TAFA2: variants seen among roughly 807,000 people sequenced by gnomAD.
TAFA2 encodes TAFA chemokine like family member 2, also known as chemokine-like protein TAFA-2.
A neutral mutation model predicts 18.8 loss-of-function variants in TAFA2; 7 were observed. The ratio of observed to expected loss-of-function variants is 0.37; its 90% CI spans 0.21 to 0.70. The LOEUF is 0.70. Among genes scored for constraint, TAFA2 ranks in the 30% least tolerant of loss-of-function variants. TAFA2 has a pLI of 0.53. For synonymous variants in TAFA2, 60 were observed against 54.2 expected (o/e 1.11, Z -0.47); for missense variants, 122 against 158.1 (o/e 0.77, Z 1.23).
chr12:62,149,049 C>A (rs1565760985), intron 1 of TAFA2, among the ~76,000 whole-genome samples: 1 of 152,186 alleles, frequency 6.6e-6, no homozygotes, highest in Non-Finnish European at 1.5e-5. Flanking sequence ...ATGGACCACA[C>A]CCTCAGCCTG....
intron 1 of TAFA2, among the ~76,000 whole-genome samples, chr12:62,033,378 A>C (rs1171305755): frequency 3.9e-5 from 6 of 152,198 alleles, no homozygotes; most frequent in Non-Finnish European, 8.8e-5. Flanking sequence ...CAGACCACTG[A>C]CACAGACTAC....
chr12:62,255,340 AAATAT>A (rs1233844528), intron 1 of TAFA2: 1 of 152,190 alleles, frequency 6.6e-6, no homozygotes, highest in East Asian at 1.9e-4. Context: ...AATAACAAGA[AAATAT>A]AAAGTAGGCA....
intron 1 of TAFA2, among the ~76,000 whole-genome samples, chr12:62,244,749 T>C (rs2062877050): frequency 6.6e-6 from 1 of 152,140 alleles, no homozygotes. Flanking sequence ...AATGTCAAAC[T>C]TTTAAAAAAT....
chr12:62,228,017 A>G (rs1357017271), intron 1 of TAFA2, among the ~76,000 whole-genome samples: 1 of 152,162 alleles, frequency 6.6e-6, no homozygotes, highest in African/African-American at 2.4e-5. Flanking sequence ...ATGGCTTTGT[A>G]GTGTATATAT....
In TAFA2 at chr12:61,780,519, C is replaced by T. The variant is rs377679968; in HGVS notation, c.107-25495G>A. Among the ~76,000 whole-genome samples the T allele has an allele frequency of 2.6e-5, 4 of 151,650 alleles. No individual in the cohort carries two copies. The East Asian group carries it at 7.8e-4, about 29-fold the overall frequency. On this transcript the variant is annotated intron_variant, in intron 2 of 4. Coordinates refer to ENST00000416284, the MANE Select transcript of TAFA2 (RefSeq NM_178539.5). ...TTTGCCCCTTTGTATTAATATAAAT[C>T]TTCTCCCAGTCTCTTGCCAGTTTTA...
At chr12:62,005,984 T>C (rs968953571) in intron 1 of TAFA2, among the ~76,000 whole-genome samples, 41 of 152,216 alleles carry the variant, frequency 2.7e-4, no homozygotes, top group Non-Finnish European at 5.9e-5. Context: ...TCAAGCTCTA[T>C]TAAGCAAAAT....
intron 1 of TAFA2, among the ~76,000 whole-genome samples, chr12:61,914,410 G>A (rs1262215007): frequency 6.6e-6 from 1 of 152,144 alleles, no homozygotes; most frequent in Non-Finnish European, 1.5e-5. Context: ...GAAGTCGAAT[G>A]GTATGGAAGT....
chr12:61,904,656 C>A (rs921788669), intron 1 of TAFA2, among the ~76,000 whole-genome samples: 3 of 152,088 alleles, frequency 2.0e-5, no homozygotes, highest in African/African-American at 4.8e-5. Flanking sequence ...CAGTAAATAA[C>A]CTGTTTTTAT....
intron 1 of TAFA2, among the ~76,000 whole-genome samples, chr12:62,082,427 T>C (rs933273173): frequency 2.0e-5 from 3 of 152,220 alleles, no homozygotes; most frequent in Non-Finnish European, 4.4e-5. Flanking sequence ...AGCTATTTTT[T>C]TAAGGTGTAC....
intron 1 of TAFA2, among the ~76,000 whole-genome samples, chr12:62,182,604 T>C (rs2062559746): frequency 6.6e-6 from 1 of 152,186 alleles, no homozygotes; most frequent in Non-Finnish European, 1.5e-5. Flanking sequence ...TGTGTACACA[T>C]AGAAGTTTAA....
intron 1 of TAFA2, among the ~76,000 whole-genome samples, chr12:62,057,784 T>G (rs1882224917): frequency 6.6e-6 from 1 of 152,082 alleles, no homozygotes; most frequent in Non-Finnish European, 1.5e-5. Context: ...TTGCCATATA[T>G]TTAAGTTCTA....
At chr12:61,948,804 C>G (rs918031306) in intron 1 of TAFA2, among the ~76,000 whole-genome samples, 1 of 152,106 alleles carries the variant, frequency 6.6e-6, no homozygotes, top group African/African-American at 2.4e-5. Flanking sequence ...ACAGTGACAC[C>G]TCAGCGTCTT....
At chr12:61,864,347 T>C (rs1398949390) in intron 2 of TAFA2, among the ~76,000 whole-genome samples, 1 of 149,226 alleles carries the variant, frequency 6.7e-6, no homozygotes, top group Non-Finnish European at 1.5e-5. Context: ...AAATATATGG[T>C]ATATATTTCT....
intron 2 of TAFA2, among the ~76,000 whole-genome samples, chr12:61,853,580 T>C (rs1873766228): frequency 6.6e-6 from 1 of 152,080 alleles, no homozygotes; most frequent in African/African-American, 2.4e-5. Flanking sequence ...ATGGCAAAAC[T>C]GGAAGCATCA....
intron 2 of TAFA2, among the ~76,000 whole-genome samples, chr12:61,828,991 C>A (rs1374361227): frequency 1.3e-5 from 2 of 151,604 alleles, no homozygotes; most frequent in African/African-American, 2.4e-5. Flanking sequence ...GACCTGAATA[C>A]CAATATATTC....
At position 61,708,569 on chromosome 12, in the gene TAFA2, A is replaced by G. The variant is rs1869247978; in HGVS notation, c.*1837T>C. The G allele has an allele frequency of 6.6e-6, 1 of 151,946 alleles. No homozygotes were observed. The highest frequency in any genetic ancestry group is 2.1e-4 in the South Asian group (1 of 4,824). 9.4% of individuals were successfully genotyped at this position (151,946 alleles called of 1,614,324 possible). On this transcript the variant is annotated 3_prime_UTR_variant, in exon 5 of 5. Transcript: ENST00000416284. ...TAATGATATTCTAATTGATGCAGAAACCCCAGGGCAACTTTTTTTTTATAA... is the reference window on the plus strand; with the variant it reads ...TAATGATATTCTAATTGATGCAGAAGCCCCAGGGCAACTTTTTTTTTATAA...
intron 2 of TAFA2, among the ~76,000 whole-genome samples, chr12:61,770,967 T>C (rs1869999101): frequency 6.6e-6 from 1 of 152,000 alleles, no homozygotes; most frequent in Admixed American, 6.6e-5. Flanking sequence ...TGGATAAGAA[T>C]TCACCAACCA....
chr12:61,993,758 G>T (rs1050152257), intron 1 of TAFA2, among the ~76,000 whole-genome samples: 1 of 152,138 alleles, frequency 6.6e-6, no homozygotes, highest in South Asian at 2.1e-4. Flanking sequence ...TACAGACAAT[G>T]AAAATAATCT....
intron 1 of TAFA2, chr12:61,880,368 C>T: frequency 1.9e-6 from 1 of 522,058 alleles, no homozygotes; most frequent in Non-Finnish European, 3.9e-6. Flanking sequence ...ATTAAGGATG[C>T]CAACACCAAG....
Sources: allele counts gnomAD v4.1 joint callset (sites outside exome capture counted in the v4.1 genomes callset), GRCh38; gene constraint gnomAD v4.1.1; transcripts MANE v1.5; gene names NCBI Gene and HGNC (gene_info 2026-07-23, HGNC 2026-07-21).